The following SULF2 variants were observed in gnomAD, a reference collection of about 807,000 sequenced individuals.
SULF2 encodes sulfatase 2.
Under a neutral mutation model 107.7 loss-of-function variants are expected in SULF2, and 52 were observed. The ratio of observed to expected loss-of-function variants is 0.48; its 90% CI spans 0.39 to 0.61. The LOEUF (loss-of-function observed/expected upper bound fraction) is 0.61, where lower values mean the gene tolerates loss of function less well. Ranked by LOEUF, SULF2 falls within the 20% of genes least tolerant of loss-of-function variation. The probability of loss-of-function intolerance (pLI) is 0.00; values close to 1 mark genes in which losing one functional copy is unlikely to be tolerated. For synonymous variants in SULF2, 460 were observed against 464.3 expected, an observed-to-expected ratio of 0.99 and a Z score of 0.12; for missense variants, 993 against 1,177.3, an observed-to-expected ratio of 0.84 and a Z score of 2.29.
chr20:47,783,936 G>C (rs2090876133), intron 1 of SULF2, among the ~76,000 whole-genome samples: 1 of 152,196 alleles, frequency 6.6e-6, no homozygotes, highest in Admixed American at 6.5e-5. Context: ...GGCCCCCTTC[G>C]TTCTGTCCTC....
intron 3 of SULF2, among the ~76,000 whole-genome samples, chr20:47,703,876 A>G (rs1238129284): frequency 6.6e-6 from 1 of 152,224 alleles, no homozygotes; most frequent in African/African-American, 2.4e-5. Context: ...CATCTCAACA[A>G]CCTAAGAATG....
chr20:47,745,392 AAAAAAAAAAAAAAAAAAAATATAT>A (rs1179628801), intron 2 of SULF2, among the ~76,000 whole-genome samples: 14 of 15,786 alleles, frequency 8.9e-4, no homozygotes, highest in African/African-American at 8.6e-3. Context: ...GAAAAAAAAA[AAAAAAAAAAAAAAAAAAAATATAT>A]ATATATATAT....
At position 47,739,021 on chromosome 20, in the gene SULF2, A is replaced by G. The variant is rs113769996; in HGVS notation, c.176-2079T>C. Among the ~76,000 whole-genome samples, 1,427 of 152,312 alleles carry G rather than the reference A, an allele frequency of 9.4e-3. 14 individuals are homozygous for G. Among genetic ancestry groups the G allele is most frequent in the African/African-American group, 0.033 (1,351 of 41,556 alleles). ...AGGGAAGCAGAGACTGGAGGGATGC[A>G]CATACAAGCCAAGGAACAAGGAACT... is the stretch of plus-strand genomic sequence containing the variant. On this transcript the variant is annotated intron_variant, in intron 2 of 20. Coordinates refer to ENST00000688720, the MANE Select transcript of SULF2 (RefSeq NM_001387048.1).
intron 2 of SULF2, among the ~76,000 whole-genome samples, chr20:47,745,416 T>A (rs1187628244): frequency 0.051 from 248 of 4,866 alleles, no homozygotes; most frequent in Non-Finnish European, 0.076. Context: ...AAAAAATATA[T>A]ATATATATAT....
chr20:47,726,974 T>TC (rs1184592278), intron 3 of SULF2, among the ~76,000 whole-genome samples: 3 of 149,452 alleles, frequency 2.0e-5, no homozygotes, highest in African/African-American at 7.4e-5. Flanking sequence ...GCCACACTGC[T>TC]CCCCACCCAG....
intron 2 of SULF2, among the ~76,000 whole-genome samples, chr20:47,743,777 GCT>G (rs760354854): frequency 1.3e-5 from 2 of 152,054 alleles, no homozygotes; most frequent in East Asian, 1.9e-4. Flanking sequence ...CCTACTGTGC[GCT>G]CTCTCTCTAA....
intron 3 of SULF2, among the ~76,000 whole-genome samples, chr20:47,715,582 ATTT>A (rs11476982): frequency 5.8e-5 from 8 of 137,398 alleles, no homozygotes; most frequent in Admixed American, 7.2e-5. Context: ...GGGAATGTCG[ATTT>A]TTTTTTTTTT....
intron 6 of SULF2, among the ~76,000 whole-genome samples, chr20:47,684,147 A>G (rs1407661334): frequency 6.6e-6 from 1 of 152,248 alleles, no homozygotes; most frequent in Non-Finnish European, 1.5e-5. Flanking sequence ...TATGTGAATT[A>G]CATCCCAATA....
chr20:47,701,671 C>G (rs2088573829), intron 4 of SULF2, among the ~76,000 whole-genome samples: 2 of 152,162 alleles, frequency 1.3e-5, no homozygotes, highest in African/African-American at 4.8e-5. Context: ...CTGGAAATAC[C>G]TAAATGCCCA....
At chr20:47,769,630 G>A (rs2090591598) in intron 1 of SULF2, among the ~76,000 whole-genome samples, 2 of 152,134 alleles carry the variant, frequency 1.3e-5, no homozygotes, top group South Asian at 4.1e-4. Context: ...ATAGGCAGCC[G>A]AGATTTCCTG....
chr20:47,720,650 T>C (rs746081445), intron 3 of SULF2, among the ~76,000 whole-genome samples: 1 of 151,986 alleles, frequency 6.6e-6, no homozygotes, highest in East Asian at 1.9e-4. Context: ...AATTTGGGGT[T>C]GAAGTGTAGA....
intron 11 of SULF2, among the ~76,000 whole-genome samples, chr20:47,671,806 C>T (rs1177276999): frequency 6.6e-6 from 1 of 152,148 alleles, no homozygotes; most frequent in African/African-American, 2.4e-5. Context: ...CCTCTGCCTC[C>T]TGGGTTCAAG....
intron 11 of SULF2, among the ~76,000 whole-genome samples, chr20:47,671,859 C>G (rs1250071293): frequency 2.0e-5 from 3 of 151,752 alleles, no homozygotes; most frequent in Non-Finnish European, 4.4e-5. Context: ...GGATTACAAG[C>G]GTGAGCCACC....
intron 3 of SULF2, among the ~76,000 whole-genome samples, chr20:47,716,192 T>C (rs2089114939): frequency 6.6e-6 from 1 of 152,190 alleles, no homozygotes; most frequent in African/African-American, 2.4e-5. Flanking sequence ...AACTGAGAAA[T>C]TTAAAACATA....
chr20:47,771,794 T>G (rs2090635742), intron 1 of SULF2, among the ~76,000 whole-genome samples: 1 of 152,190 alleles, frequency 6.6e-6, no homozygotes. Flanking sequence ...CTTGGAAGGA[T>G]GCTCATCATG....
chr20:47,691,331 A>G (rs2088190605), intron 4 of SULF2, among the ~76,000 whole-genome samples: 1 of 152,204 alleles, frequency 6.6e-6, no homozygotes, highest in African/African-American at 2.4e-5. Context: ...TAGCTGGGGC[A>G]GTCAGGGAGG....
At chr20:47,669,772 G>A (rs2087401911) in intron 11 of SULF2, among the ~76,000 whole-genome samples, 2 of 152,128 alleles carry the variant, frequency 1.3e-5, no homozygotes, top group Non-Finnish European at 1.5e-5. Context: ...TTCTGACCAG[G>A]GCTGAGCTGA....
intron 2 of SULF2, among the ~76,000 whole-genome samples, chr20:47,746,990 AAAAAATATATAT>A (rs1256563138): frequency 1.5e-5 from 1 of 64,854 alleles, no homozygotes; most frequent in African/African-American, 5.8e-5. Context: ...AATAAAAAAA[AAAAAATATATAT>A]ATATATATAT....
Position 47,757,903 on chromosome 20 carries a change from C to T in SULF2, c.-100-440G>A, listed in dbSNP as rs1210433707. Among the ~76,000 whole-genome samples the T allele has an allele frequency of 2.6e-5, 4 of 152,230 alleles. No homozygotes were observed. The East Asian group carries it at 7.8e-4, about 30-fold the overall frequency. ...TACAGAGGTGAGGGAGATGAAGTTCCAGCTCCCCAGCAGCGGGGGATTCAA... is the reference window on the plus strand; with the variant it reads ...TACAGAGGTGAGGGAGATGAAGTTCTAGCTCCCCAGCAGCGGGGGATTCAA... On this transcript the variant is annotated intron_variant, in intron 1 of 20. Coordinates refer to ENST00000688720, the MANE Select transcript of SULF2 (RefSeq NM_001387048.1).
Sources: allele counts gnomAD v4.1 joint callset (sites outside exome capture counted in the v4.1 genomes callset), GRCh38; gene constraint gnomAD v4.1.1; transcripts MANE v1.5; gene names NCBI Gene and HGNC (gene_info 2026-07-23, HGNC 2026-07-21).